The following SLC41A2 variants were observed in gnomAD, a reference collection of about 807,000 sequenced individuals.
SLC41A2 encodes the protein SLC41A1-like 1.
Under a neutral mutation model 58.3 loss-of-function variants are expected in SLC41A2, and 32 were observed. That is an observed-to-expected ratio of 0.55 (90% CI 0.41 to 0.74). The LOEUF is 0.74. Ranked by LOEUF, SLC41A2 falls within the 30% of genes least tolerant of loss-of-function variation. The probability of loss-of-function intolerance (pLI) is 0.00; values close to 1 mark genes in which losing one functional copy is unlikely to be tolerated. For missense variants in SLC41A2, 514 were observed against 680.6 expected (o/e 0.76, Z 2.72); for synonymous variants, 190 against 235.0 (o/e 0.81, Z 1.75).
chr12:104,950,405 T>C (rs1363765383), intron 1 of SLC41A2, among the ~76,000 whole-genome samples: 1 of 152,228 alleles, frequency 6.6e-6, no homozygotes, highest in African/African-American at 2.4e-5. Flanking sequence ...CCTGTTGCCA[T>C]GTGAAGAAGG....
chr12:104,848,906 A>ACC (rs1468165174), intron 8 of SLC41A2, among the ~76,000 whole-genome samples: 5 of 151,954 alleles, frequency 3.3e-5, no homozygotes, highest in Non-Finnish European at 7.4e-5. Flanking sequence ...CCACACACAC[A>ACC]CACACACACA....
chr12:104,927,874 T>A, intron 2 of SLC41A2, 99 bp downstream of exon 2: 1 of 1,098,300 alleles, frequency 9.1e-7, no homozygotes, highest in Non-Finnish European at 1.2e-6. Flanking sequence ...AAATTAAATC[T>A]AAAGTGAATG....
At position 104,928,082 on chromosome 12, in the gene SLC41A2, G is replaced by C. The variant is rs374756756; in HGVS notation, c.446C>G (p.Pro149Arg). ...GCCACTGGATTCCTTTGGTAATTTT[G>C]GGGTCACTTCTACAATAGCATCTTC... ...GDEDAIVEVTPKLPKESSGIM... is the reference protein window; with the variant it reads ...GDEDAIVEVTRKLPKESSGIM... Residue 149 changes from proline to arginine, a missense_variant, in exon 2 of 11, where the codon CCA becomes CGA. Physicochemically the swap from Pro to Arg is moderately radical, Grantham distance 103. This residue lies in a region of SLC41A2 where 336 missense variants were observed against 430.0 expected (regional missense o/e 0.78). Transcript: ENST00000258538. 6.8e-5 allele frequency: 110 copies of C among 1,614,100 alleles called. No homozygotes were observed. The highest frequency in any genetic ancestry group is 9.3e-5 in the Non-Finnish European group (110 of 1,179,996).
chr12:104,821,211 A>G (rs1439748883), intron 10 of SLC41A2, among the ~76,000 whole-genome samples: 1 of 152,130 alleles, frequency 6.6e-6, no homozygotes, highest in Non-Finnish European at 1.5e-5. Flanking sequence ...TTACATATAT[A>G]GAGAGAGAGT....
chr12:104,897,997 G>A (rs765037477), intron 3 of SLC41A2, among the ~76,000 whole-genome samples: 17 of 152,210 alleles, frequency 1.1e-4, no homozygotes, highest in South Asian at 8.3e-4. Context: ...TAGATTAGCT[G>A]ACCTGATGGT....
At chr12:104,807,347 G>C (rs1017955032) in intron 10 of SLC41A2, among the ~76,000 whole-genome samples, 5 of 152,172 alleles carry the variant, frequency 3.3e-5, no homozygotes, top group Admixed American at 6.5e-5. Context: ...TCTTGTTTTT[G>C]TCAGGTTTGT....
chr12:104,812,741 A>C (rs1314727452), intron 10 of SLC41A2, among the ~76,000 whole-genome samples: 1 of 152,138 alleles, frequency 6.6e-6, no homozygotes, highest in Non-Finnish European at 1.5e-5. Flanking sequence ...CAGACCAGGA[A>C]GGTGGAATGC....
chr12:104,906,528 C>T (rs2045858718), intron 3 of SLC41A2, among the ~76,000 whole-genome samples: 1 of 152,090 alleles, frequency 6.6e-6, no homozygotes, highest in Admixed American at 6.5e-5. Flanking sequence ...CAAAACAGAA[C>T]CCAAGAAGTC....
At chr12:104,813,132 T>C (rs2041247016) in intron 10 of SLC41A2, among the ~76,000 whole-genome samples, 1 of 152,008 alleles carries the variant, frequency 6.6e-6, no homozygotes, top group African/African-American at 2.4e-5. Context: ...TGAGCTGAGA[T>C]TGTGCCACTG....
At chr12:104,879,590 A>G (rs1361781890) in intron 6 of SLC41A2, among the ~76,000 whole-genome samples, 1 of 152,272 alleles carries the variant, frequency 6.6e-6, no homozygotes, top group East Asian at 1.9e-4. Flanking sequence ...AGGTTTGTCA[A>G]AGATCAGATG....
chr12:104,852,725 A>T (rs541932599), intron 8 of SLC41A2, among the ~76,000 whole-genome samples: 1 of 152,196 alleles, frequency 6.6e-6, no homozygotes, highest in Non-Finnish European at 1.5e-5. Context: ...ATTTTTAAGT[A>T]AACAACATAA....
rs55670022 is a variant in SLC41A2 at position 104,878,299 on chromosome 12, T to TTATATATATATATATATATA, written c.1027+7974_1027+7993dup. Among the ~76,000 whole-genome samples, 643 of 139,654 alleles carry TTATATATATATATATATATA rather than the reference T, an allele frequency of 4.6e-3. 5 individuals are homozygous for TTATATATATATATATATATA. Among genetic ancestry groups the TTATATATATATATATATATA allele is most frequent in the Middle Eastern group, 7.5e-3 (2 of 266 alleles). 91.6% of individuals were successfully genotyped at this position (139,654 alleles called of 152,430 possible). ...AATCTGCAAATAATATACCTGTATT[T>TTATATATATATATATATATA]TATATATATATATATATATATATAT... On this transcript the variant is annotated intron_variant, in intron 6 of 10. Transcript: ENST00000258538.
At position 104,916,647 on chromosome 12, in the gene SLC41A2, C is replaced by G. The variant is rs536479291; in HGVS notation, c.556-6885G>C. On this transcript the variant is annotated intron_variant, in intron 2 of 10. Coordinates refer to ENST00000258538, the MANE Select transcript of SLC41A2 (RefSeq NM_001352171.3). ...AGAGATATAGATCAATGGAACAGAACAGAGCCCTCAGAAATAACGCCACAT... is the reference window on the plus strand; with the variant it reads ...AGAGATATAGATCAATGGAACAGAAGAGAGCCCTCAGAAATAACGCCACAT... Among the ~76,000 whole-genome samples, 438 of 152,172 alleles carry G rather than the reference C, an allele frequency of 2.9e-3. 1 individual carries two copies. The highest frequency in any genetic ancestry group is 5.1e-3 in the Non-Finnish European group (346 of 67,986).
chr12:104,917,374 G>A (rs1413503210), intron 2 of SLC41A2, among the ~76,000 whole-genome samples: 1 of 152,170 alleles, frequency 6.6e-6, no homozygotes, highest in Non-Finnish European at 1.5e-5. Context: ...TACACTGTTG[G>A]TGGGACTGTA....
chr12:104,937,383 C>T (rs556591661), intron 1 of SLC41A2, among the ~76,000 whole-genome samples: 2 of 152,178 alleles, frequency 1.3e-5, no homozygotes, highest in Admixed American at 1.3e-4. Flanking sequence ...TTTTACTATA[C>T]GTTTTCTATT....
intron 10 of SLC41A2, among the ~76,000 whole-genome samples, chr12:104,817,138 T>A (rs1173088251): frequency 6.6e-6 from 1 of 152,236 alleles, no homozygotes; most frequent in Non-Finnish European, 1.5e-5. Flanking sequence ...GTGACTGTAC[T>A]GAATACTGTA....
At chr12:104,844,065 G>A (rs2042516884) in intron 10 of SLC41A2, among the ~76,000 whole-genome samples, 2 of 152,038 alleles carry the variant, frequency 1.3e-5, no homozygotes, top group African/African-American at 2.4e-5. Context: ...AGGACTTATC[G>A]CACTGAAGAA....
At chr12:104,847,322 G>A (rs928747456) in intron 8 of SLC41A2, among the ~76,000 whole-genome samples, 35 of 151,942 alleles carry the variant, frequency 2.3e-4, no homozygotes, top group African/African-American at 7.7e-4. Context: ...AGGTCAAGAC[G>A]GCCAGGAGCA....
Position 104,909,594 on chromosome 12 carries a change from C to T in SLC41A2, c.663+61G>A. 11 of 1,136,978 alleles carry T rather than the reference C, an allele frequency of 9.7e-6. 1 individual carries two copies. The South Asian group carries it at 1.5e-4, about 15-fold the overall frequency. 70.4% of individuals were successfully genotyped at this position (1,136,978 alleles called of 1,614,324 possible). A position where few individuals can be genotyped will look rare whatever the true frequency, so the allele number is the denominator to read the frequency against. ...AAGAAATATTTTCCTGATACAAGTT[C>T]CCCTTAACAGAGAGAAACAGGATAG... On this transcript the variant is annotated intron_variant, in intron 3 of 10. Coordinates refer to ENST00000258538, the MANE Select transcript of SLC41A2 (RefSeq NM_001352171.3).
Sources: gnomAD v4.1 joint callset for allele counts (sites outside exome capture counted in the v4.1 genomes callset) on GRCh38, gnomAD v4.1.1 for gene constraint, gnomAD v4.1.1 regional missense constraint, MANE v1.5 for transcripts, NCBI Gene and HGNC (gene_info 2026-07-23, HGNC 2026-07-21) for gene names.